The following SH3PXD2A variants were observed in gnomAD, a reference collection of about 807,000 sequenced individuals.
SH3PXD2A encodes SH3 and PX domain-containing protein 2A.
In SH3PXD2A, 32 loss-of-function variants were observed where a neutral mutation model predicts 115.2. That is an observed-to-expected ratio of 0.28 (90% CI 0.21 to 0.37). The LOEUF is 0.37. Ranked by LOEUF, SH3PXD2A falls within the 10% of genes least tolerant of loss-of-function variation. SH3PXD2A has a pLI of 1.00. For synonymous variants in SH3PXD2A, 610 were observed against 629.1 expected (o/e 0.97, Z 0.45); for missense variants, 1,328 against 1,498.7 (o/e 0.89, Z 1.88).
At chr10:103,724,748 C>T (rs984349368) in intron 4 of SH3PXD2A, among the ~76,000 whole-genome samples, 2 of 152,066 alleles carry the variant, frequency 1.3e-5, no homozygotes, top group African/African-American at 4.8e-5. Flanking sequence ...AACCAACCAA[C>T]CATCCAACCA....
chr10:103,633,727 C>CCAAAAAAAAA lies in SH3PXD2A; in HGVS notation c.605-6526_605-6525insTTTTTTTTTG, dbSNP rs1554905367. ...TAGGCGATGGAGCAAGATTCTGTCTCAAAAAAAAAAAAAAAAAAAAAAAAA... is the reference window on the plus strand; with the variant it reads ...TAGGCGATGGAGCAAGATTCTGTCTCCAAAAAAAAAAAAAAAAAAAAAAAAAAAAAAAAAA... On this transcript the variant is annotated intron_variant, in intron 8 of 14. Coordinates refer to ENST00000369774, the MANE Select transcript of SH3PXD2A (RefSeq NM_001394015.1). Among the ~76,000 whole-genome samples, 3 of 74,356 alleles carry CCAAAAAAAAA rather than the reference C, an allele frequency of 4.0e-5. 1 individual carries two copies. The highest frequency in any genetic ancestry group is 5.2e-5 in the African/African-American group (1 of 19,194). The allele number at this position is 74,356 out of a possible 152,430, so 48.8% of individuals were successfully genotyped here. A position where few individuals can be genotyped will look rare whatever the true frequency, so the allele number is the denominator to read the frequency against.
intron 5 of SH3PXD2A, 186 bp from the exon 6 acceptor site, chr10:103,693,242 C>CGCCCGCGGGCCCCCT (rs2037782780): frequency 1.3e-5 from 2 of 150,240 alleles, no homozygotes; most frequent in Admixed American, 1.4e-4. Flanking sequence ...CCCGCCCGCC[C>CGCCCGCGGGCCCCCT]GCCCGCGGGC....
At chr10:103,660,096 T>C (rs1344232550) in intron 8 of SH3PXD2A, among the ~76,000 whole-genome samples, 1 of 151,816 alleles carries the variant, frequency 6.6e-6, no homozygotes, top group African/African-American at 2.4e-5. Flanking sequence ...CAAACACCAC[T>C]CAGAGAGGCT....
At chr10:103,710,185 G>A (rs1311325383) in intron 5 of SH3PXD2A, among the ~76,000 whole-genome samples, 4 of 151,918 alleles carry the variant, frequency 2.6e-5, no homozygotes, top group Non-Finnish European at 5.9e-5. Flanking sequence ...CTGAGCTCGG[G>A]AGTTTGAGAC....
In SH3PXD2A at chr10:103,612,854, G is replaced by A. The variant is rs757570219; in HGVS notation, c.1257C>T (p.Ile419=). 125 of 1,552,326 alleles carry A rather than the reference G, an allele frequency of 8.1e-5. No homozygotes were observed. Among genetic ancestry groups the A allele is most frequent in the Non-Finnish European group, 1.1e-4 (122 of 1,152,438 alleles). The change falls in exon 12 of 15, where the codon ATC becomes ATT. Residue 419 remains isoleucine, a splice_region_variant and synonymous_variant. Coordinates refer to ENST00000369774, the MANE Select transcript of SH3PXD2A (RefSeq NM_001394015.1). ...CCTAGAGGTCAGCGAGGCTCTTACTGATCTGGGCCCGCTGAGGGGCAATCC... is the reference window on the plus strand; with the variant it reads ...CCTAGAGGTCAGCGAGGCTCTTACTAATCTGGGCCCGCTGAGGGGCAATCC... ...VARIAPQRAQ[I]SSPNLRTRPP...
At chr10:103,632,269 A>G (rs2036792081) in intron 8 of SH3PXD2A, among the ~76,000 whole-genome samples, 1 of 152,094 alleles carries the variant, frequency 6.6e-6, no homozygotes, top group African/African-American at 2.4e-5. Context: ...GTGCCTCTGC[A>G]TGCATTGGAG....
At chr10:103,642,229 C>G (rs191384455) in intron 8 of SH3PXD2A, among the ~76,000 whole-genome samples, 2 of 151,774 alleles carry the variant, frequency 1.3e-5, no homozygotes, top group Non-Finnish European at 2.9e-5. Context: ...ACGAGGACCA[C>G]TGGCTCCAAC....
At chr10:103,648,721 C>T (rs2037074068) in intron 8 of SH3PXD2A, among the ~76,000 whole-genome samples, 1 of 152,270 alleles carries the variant, frequency 6.6e-6, no homozygotes, top group Admixed American at 6.5e-5. Flanking sequence ...ATCCTAAAAA[C>T]CACGAGAAGC....
chr10:103,799,328 T>G (rs906892238), intron 2 of SH3PXD2A, among the ~76,000 whole-genome samples: 1 of 152,262 alleles, frequency 6.6e-6, no homozygotes, highest in African/African-American at 2.4e-5. Flanking sequence ...AAACTCATCA[T>G]GGCAGGTAAA....
At position 103,784,196 on chromosome 10, in the gene SH3PXD2A, G is replaced by A. The variant is rs938704574; in HGVS notation, c.154-17027C>T. Among the ~76,000 whole-genome samples the A allele has an allele frequency of 2.6e-5, 4 of 152,232 alleles. No homozygotes were observed. Among genetic ancestry groups the A allele is most frequent in the Non-Finnish European group, 4.4e-5 (3 of 68,040 alleles). ...CTGCTCGGGGGTTGCTGGGGCACCT[G>A]TGTGCAGGCCTGCCCTTTTCCAGGT... On this transcript the variant is annotated intron_variant, in intron 2 of 14. Coordinates refer to ENST00000369774, the MANE Select transcript of SH3PXD2A (RefSeq NM_001394015.1). The surrounding 1 kb of genome is among the most constrained non-coding windows in gnomAD (Gnocchi z 4.4).
intron 1 of SH3PXD2A, among the ~76,000 whole-genome samples, chr10:103,827,903 C>A (rs368964938): frequency 6.6e-6 from 1 of 152,292 alleles, no homozygotes; most frequent in South Asian, 2.1e-4. Flanking sequence ...AGCTGTAAAA[C>A]GGGGATGACA....
At chr10:103,796,233 T>C (rs901202598) in intron 2 of SH3PXD2A, among the ~76,000 whole-genome samples, 2 of 151,800 alleles carry the variant, frequency 1.3e-5, no homozygotes, top group African/African-American at 4.8e-5. Context: ...CATAGTGGCA[T>C]GCATCTGTGA....
intron 8 of SH3PXD2A, among the ~76,000 whole-genome samples, chr10:103,649,663 A>AC (rs1184227140): frequency 6.6e-6 from 1 of 152,186 alleles, no homozygotes; most frequent in African/African-American, 2.4e-5. Flanking sequence ...CCTGTATGCT[A>AC]CCCCTGATCG....
Position 103,685,145 on chromosome 10 carries a change from C to T in SH3PXD2A, c.427+7883G>A, listed in dbSNP as rs558401388. ...CTGGGGTCAGGAGTTCAAGACCAGC[C>T]TAGCCAACATGGTGAAATCCCATCT... On this transcript the variant is annotated intron_variant, in intron 6 of 14. Coordinates refer to ENST00000369774, the MANE Select transcript of SH3PXD2A (RefSeq NM_001394015.1). Among the ~76,000 whole-genome samples the T allele has an allele frequency of 1.4e-4, 21 of 152,242 alleles. No individual in the cohort carries two copies. The South Asian group carries it at 4.4e-3, about 32-fold the overall frequency.
At chr10:103,720,110 C>G (rs763191830) in intron 5 of SH3PXD2A, among the ~76,000 whole-genome samples, 18 of 152,228 alleles carry the variant, frequency 1.2e-4, no homozygotes, top group Admixed American at 2.6e-4. Flanking sequence ...GATTTGGTGT[C>G]TGGTGAAGGC....
rs1169331876 is a variant in SH3PXD2A at position 103,646,330 on chromosome 10, C to T, written c.604+14653G>A. Among the ~76,000 whole-genome samples the T allele has an allele frequency of 3.9e-5, 6 of 152,112 alleles. No individual in the cohort carries two copies. The South Asian group carries it at 6.2e-4, about 16-fold the overall frequency. ...TTGGTTCCCAAGAATTGGTCTAGTA[C>T]GGATCCCACCCCAATCCAAGGAGAA... On this transcript the variant is annotated intron_variant, in intron 8 of 14. Transcript: ENST00000369774.
At chr10:103,740,340 T>A (rs1470510722) in intron 3 of SH3PXD2A, among the ~76,000 whole-genome samples, 1 of 152,122 alleles carries the variant, frequency 6.6e-6, no homozygotes, top group African/African-American at 2.4e-5. Context: ...TGCACTTGGA[T>A]CATGTCAAGC....
At chr10:103,682,904 TC>T (rs1014352045) in intron 6 of SH3PXD2A, among the ~76,000 whole-genome samples, 1 of 152,156 alleles carries the variant, frequency 6.6e-6, no homozygotes, top group Admixed American at 6.5e-5. Flanking sequence ...TGGGCCTTTC[TC>T]ACTGAGGATG....
At chr10:103,716,269 C>T (rs1367004824) in intron 5 of SH3PXD2A, among the ~76,000 whole-genome samples, 2 of 152,194 alleles carry the variant, frequency 1.3e-5, no homozygotes, top group Admixed American at 6.5e-5. Flanking sequence ...TGGGGTTCCC[C>T]GCAGGAGGCA....
Sources: allele counts gnomAD v4.1 joint callset (sites outside exome capture counted in the v4.1 genomes callset), GRCh38; gene constraint gnomAD v4.1.1; non-coding constraint Gnocchi (gnomAD v3.1); transcripts MANE v1.5; gene names NCBI Gene and HGNC (gene_info 2026-07-23, HGNC 2026-07-21).